CNTNAP2: variants seen among roughly 807,000 people sequenced by gnomAD.
CNTNAP2 encodes the protein contactin associated protein 2.
A neutral mutation model predicts 155.2 loss-of-function variants in CNTNAP2; 98 were observed. That is an observed-to-expected ratio of 0.63 (90% CI 0.54 to 0.75). The LOEUF is 0.75. CNTNAP2 is among the 30% of genes least tolerant of loss of function. The pLI is 0.00. For missense variants in CNTNAP2, 1,727 were observed against 1,688.1 expected, an observed-to-expected ratio of 1.02 and a Z score of -0.40; for synonymous variants, 651 against 631.2, an observed-to-expected ratio of 1.03 and a Z score of -0.47.
At chr7:147,492,902 C>G (rs552123937) in intron 11 of CNTNAP2, among the ~76,000 whole-genome samples, 1 of 152,092 alleles carries the variant, frequency 6.6e-6, no homozygotes, top group African/African-American at 2.4e-5. Flanking sequence ...TTTTTAGACA[C>G]GTCATTTAAT....
chr7:146,159,619 C>G (rs1001755526), intron 1 of CNTNAP2, among the ~76,000 whole-genome samples: 1 of 151,780 alleles, frequency 6.6e-6, no homozygotes, highest in Admixed American at 6.6e-5. Flanking sequence ...GACTTTAAAC[C>G]AAAAAAGATT....
chr7:146,244,785 G>A (rs1799618257), intron 1 of CNTNAP2, among the ~76,000 whole-genome samples: 1 of 152,164 alleles, frequency 6.6e-6, no homozygotes, highest in Admixed American at 6.5e-5. Flanking sequence ...AAATGACTGC[G>A]GTGGCCTTCT....
chr7:146,695,000 A>G (rs570596690), intron 1 of CNTNAP2, among the ~76,000 whole-genome samples: 189 of 152,270 alleles, frequency 1.2e-3, no homozygotes, highest in African/African-American at 4.2e-3. Flanking sequence ...GATTCTTTGG[A>G]ATTTTCTACA....
At chr7:146,875,934 CAAAAAAAAAAA>C (rs56304234) in intron 3 of CNTNAP2, among the ~76,000 whole-genome samples, 46 of 55,142 alleles carry the variant, frequency 8.3e-4, no homozygotes, top group Middle Eastern at 0.019. Context: ...ACATACACAG[CAAAAAAAAAAA>C]AAAAAAAAAA....
intron 1 of CNTNAP2, among the ~76,000 whole-genome samples, chr7:146,175,370 G>A (rs570791544): frequency 1.3e-5 from 2 of 152,164 alleles, no homozygotes; most frequent in Non-Finnish European, 2.9e-5. Flanking sequence ...GGAAGTGAAG[G>A]ATGAAAGCTC....
intron 20 of CNTNAP2, among the ~76,000 whole-genome samples, chr7:148,254,571 T>A (rs890444573): frequency 2.0e-5 from 3 of 152,072 alleles, no homozygotes; most frequent in Non-Finnish European, 4.4e-5. Context: ...GGTCAGGAGA[T>A]CGAGACCATC....
intron 9 of CNTNAP2, among the ~76,000 whole-genome samples, chr7:147,373,535 G>A (rs1796384120): frequency 1.3e-5 from 2 of 152,104 alleles, no homozygotes; most frequent in East Asian, 1.9e-4. Flanking sequence ...CAATGAAAGA[G>A]TATATGTGTA....
At chr7:148,069,633 G>A (rs535274769) in intron 15 of CNTNAP2, among the ~76,000 whole-genome samples, 3 of 151,818 alleles carry the variant, frequency 2.0e-5, no homozygotes, top group African/African-American at 4.8e-5. Flanking sequence ...GGTGGCGGGC[G>A]CCTGTAGTCC....
At chr7:146,986,880 G>C (rs1046716959) in intron 3 of CNTNAP2, among the ~76,000 whole-genome samples, 3 of 152,038 alleles carry the variant, frequency 2.0e-5, no homozygotes, top group Middle Eastern at 3.4e-3. Flanking sequence ...GGCTGCCACT[G>C]TTTTAATAAA....
At chr7:148,277,361 T>A (rs1563022254) in intron 21 of CNTNAP2, among the ~76,000 whole-genome samples, 1 of 152,170 alleles carries the variant, frequency 6.6e-6, no homozygotes, top group Non-Finnish European at 1.5e-5. Flanking sequence ...TTTGCTTACT[T>A]GCTGTGCCCT....
rs1305427145 is a variant in CNTNAP2 at position 148,147,630 on chromosome 7, G to A, written c.2694G>A (p.Val898=). ...ERNVKQASLQ[V]DRLPQQIRKA... ...ATGTCAAGCAGGCCAGCCTACAGGT[G>A]GACCGGCTACCGCAGCAGATCCGCA... Residue 898 remains valine, a synonymous_variant, in exon 17 of 24, where the codon GTG becomes GTA. Coordinates refer to ENST00000361727, the MANE Select transcript of CNTNAP2 (RefSeq NM_014141.6). The A allele has an allele frequency of 1.2e-6, 2 of 1,614,120 alleles. No individual in the cohort carries two copies. Among genetic ancestry groups the A allele is most frequent in the Admixed American group, 1.7e-5 (1 of 60,016 alleles).
At chr7:147,240,287 C>A (rs576461188) in intron 8 of CNTNAP2, among the ~76,000 whole-genome samples, 2 of 152,172 alleles carry the variant, frequency 1.3e-5, no homozygotes, top group African/African-American at 4.8e-5. Context: ...ATTGTGCCAC[C>A]GCACTCCAGC....
In CNTNAP2 at chr7:147,657,540, A is replaced by G. The variant is rs116603863; in HGVS notation, c.2098+18234A>G. ...TTTCCATCAATTCAACATTGCTGTTATCCTGTTTCTAGTTTCACCTTAATA... is the reference window on the plus strand; with the variant it reads ...TTTCCATCAATTCAACATTGCTGTTGTCCTGTTTCTAGTTTCACCTTAATA... On this transcript the variant is annotated intron_variant, in intron 13 of 23. Coordinates refer to ENST00000361727, the MANE Select transcript of CNTNAP2 (RefSeq NM_014141.6). 9.4e-3 allele frequency among the ~76,000 whole-genome samples: 1,425 copies of G among 152,098 alleles called. 22 individuals carry two copies. Among genetic ancestry groups the G allele is most frequent in the African/African-American group, 0.033 (1,359 of 41,354 alleles).
intron 1 of CNTNAP2, among the ~76,000 whole-genome samples, chr7:146,492,723 A>G (rs1797158845): frequency 6.6e-6 from 1 of 152,186 alleles, no homozygotes; most frequent in Admixed American, 6.5e-5. Flanking sequence ...GTGTATATTG[A>G]AGCTATACAA....
chr7:146,254,292 T>C (rs1368481130), intron 1 of CNTNAP2, among the ~76,000 whole-genome samples: 2 of 152,210 alleles, frequency 1.3e-5, no homozygotes, highest in Admixed American at 1.3e-4. Flanking sequence ...TTCCAATCCA[T>C]CAATAAGGAT....
chr7:147,729,406 G>GCACA (rs539684579), intron 13 of CNTNAP2, among the ~76,000 whole-genome samples: 1 of 52,022 alleles, frequency 1.9e-5, no homozygotes, highest in Admixed American at 2.0e-4. Flanking sequence ...AAGAAAACAT[G>GCACA]CACACACACG....
At chr7:147,599,618 G>GA (rs996112912) in intron 12 of CNTNAP2, among the ~76,000 whole-genome samples, 12 of 151,910 alleles carry the variant, frequency 7.9e-5, no homozygotes, top group African/African-American at 7.3e-5. Context: ...AGTTTCTGGG[G>GA]AAAAAAATCT....
intron 2 of CNTNAP2, among the ~76,000 whole-genome samples, chr7:146,774,593 A>C (rs1234745763): frequency 6.6e-6 from 1 of 152,152 alleles, no homozygotes; most frequent in Non-Finnish European, 1.5e-5. Flanking sequence ...GAAGTTAGAG[A>C]TAGTACGTCA....
intron 1 of CNTNAP2, among the ~76,000 whole-genome samples, chr7:146,320,258 T>C (rs1314215069): frequency 3.9e-5 from 6 of 152,160 alleles, no homozygotes; most frequent in African/African-American, 1.4e-4. Context: ...GCAGATATTA[T>C]ACCTCTGTAG....
Sources: allele counts gnomAD v4.1 joint callset (sites outside exome capture counted in the v4.1 genomes callset), GRCh38; gene constraint gnomAD v4.1.1; transcripts MANE v1.5; gene names NCBI Gene and HGNC (gene_info 2026-07-23, HGNC 2026-07-21).